The following MTPN variants were observed in gnomAD, a reference collection of about 807,000 sequenced individuals.
MTPN encodes the protein granule cell differentiation protein.
A neutral mutation model predicts 13.5 loss-of-function variants in MTPN; 2 were observed. The observed-to-expected ratio is 0.15, with a 90% CI of 0.06 to 0.47. The LOEUF is 0.47. Among genes scored for constraint, MTPN ranks in the 20% least tolerant of loss-of-function variants. The pLI, the probability that MTPN is intolerant of heterozygous loss-of-function variation, is 0.97. For missense variants in MTPN, 79 were observed against 137.9 expected (o/e 0.57, Z 2.14); for synonymous variants, 46 against 51.7 (o/e 0.89, Z 0.48).
At chr7:135,974,495 C>T (rs1283778039) in intron 1 of MTPN, among the ~76,000 whole-genome samples, 2 of 152,074 alleles carry the variant, frequency 1.3e-5, no homozygotes, top group South Asian at 2.1e-4. Flanking sequence ...GGCGACAAAG[C>T]AAAGACCCTG....
intron 3 of MTPN, among the ~76,000 whole-genome samples, chr7:135,933,441 A>C (rs1305867685): frequency 6.6e-6 from 1 of 152,130 alleles, no homozygotes; most frequent in African/African-American, 2.4e-5. Flanking sequence ...ATTTTATAAG[A>C]TACTTTCTCA....
chr7:135,958,892 ATTATCT>A (rs1206058014), intron 1 of MTPN, among the ~76,000 whole-genome samples: 1 of 152,158 alleles, frequency 6.6e-6, no homozygotes, highest in Admixed American at 6.6e-5. Context: ...AGTATTTCAG[ATTATCT>A]TTATAACAGT....
At chr7:135,975,849 G>A (rs1799765667) in intron 1 of MTPN, among the ~76,000 whole-genome samples, 1 of 152,178 alleles carries the variant, frequency 6.6e-6, no homozygotes, top group South Asian at 2.1e-4. Flanking sequence ...AGTCTAAATT[G>A]TAATGGCATT....
intron 3 of MTPN, among the ~76,000 whole-genome samples, chr7:135,949,003 T>C (rs1471795259): frequency 6.6e-6 from 1 of 152,050 alleles, no homozygotes; most frequent in Non-Finnish European, 1.5e-5. Context: ...GCTGAAGCCA[T>C]GGAAATAAAG....
chr7:135,975,617 T>A (rs1488382294), intron 1 of MTPN, among the ~76,000 whole-genome samples: 1 of 152,240 alleles, frequency 6.6e-6, no homozygotes, highest in Non-Finnish European at 1.5e-5. Flanking sequence ...TCAAACAACC[T>A]AGGTTCCACC....
chr7:135,975,830 C>G (rs1799765142), intron 1 of MTPN, among the ~76,000 whole-genome samples: 1 of 152,202 alleles, frequency 6.6e-6, no homozygotes, highest in South Asian at 2.1e-4. Flanking sequence ...AGGTAAGCAG[C>G]ATCCAAAAAG....
chr7:135,943,303 C>T (rs1799241902), intron 3 of MTPN, among the ~76,000 whole-genome samples: 1 of 152,148 alleles, frequency 6.6e-6, no homozygotes, highest in Non-Finnish European at 1.5e-5. Context: ...TTTGCTTATG[C>T]TAAAAAGGGC....
At chr7:135,969,493 T>C (rs1278165785) in intron 1 of MTPN, among the ~76,000 whole-genome samples, 1 of 149,278 alleles carries the variant, frequency 6.7e-6, no homozygotes, top group Non-Finnish European at 1.5e-5. Context: ...AAAGAGGAAC[T>C]ATAATAATAA....
chr7:135,927,600 GT>G lies in MTPN; in HGVS notation c.*2325del. The G allele has an allele frequency of 1.5e-6, 1 of 682,698 alleles. No homozygotes were observed. The allele number at this position is 682,698 out of a possible 1,614,324, so 42.3% of individuals were successfully genotyped here. A position where few individuals can be genotyped will look rare whatever the true frequency, so the allele number is the denominator to read the frequency against. The stretch of plus-strand genomic sequence containing the variant: ...TTTACTCAAAATATGAACATTAAGT[GT>G]TGTGAATTTGTCTGCCAAGTGGTTC... On this transcript the variant is annotated 3_prime_UTR_variant, in exon 4 of 4. Coordinates refer to ENST00000393085, the MANE Select transcript of MTPN (RefSeq NM_145808.4).
intron 3 of MTPN, among the ~76,000 whole-genome samples, chr7:135,939,393 T>C (rs1318749046): frequency 6.6e-6 from 1 of 151,958 alleles, no homozygotes; most frequent in Non-Finnish European, 1.5e-5. Flanking sequence ...CCCGTTCTTC[T>C]TTGCTTTCCT....
rs897533405 is a variant in MTPN, at chr7:135,927,712, T to C, written c.*2214A>G. ...ATTCTATTCTATGTTTATATGTTAT[T>C]TTCTCAAGCAATCGCTTCATAATTA... On this transcript the variant is annotated 3_prime_UTR_variant, in exon 4 of 4. Coordinates refer to ENST00000393085, the MANE Select transcript of MTPN (RefSeq NM_145808.4). The C allele has an allele frequency of 7.7e-6, 4 of 518,752 alleles. No individual in the cohort carries two copies. The highest frequency in any genetic ancestry group is 7.7e-5 in the African/African-American group (4 of 51,928). 32.1% of individuals were successfully genotyped at this position (518,752 alleles called of 1,614,324 possible).
At chr7:135,971,745 TA>T (rs1449388720) in intron 1 of MTPN, among the ~76,000 whole-genome samples, 1 of 152,196 alleles carries the variant, frequency 6.6e-6, no homozygotes, top group African/African-American at 2.4e-5. Context: ...TTAATAAACA[TA>T]CTTTTTTCAA....
chr7:135,947,773 T>C (rs999251), intron 3 of MTPN, among the ~76,000 whole-genome samples: 12,055 of 152,076 alleles, frequency 0.079, 538 homozygotes, highest in South Asian at 0.15. Context: ...CCGAGATAAA[T>C]GGTTTCCTTA....
At chr7:135,972,801 A>G (rs1346718933) in intron 1 of MTPN, among the ~76,000 whole-genome samples, 1 of 151,502 alleles carries the variant, frequency 6.6e-6, no homozygotes, top group East Asian at 2.0e-4. Flanking sequence ...GCTTATTTTA[A>G]AAGGGCCAAC....
At chr7:135,973,929 A>G (rs1436544500) in intron 1 of MTPN, among the ~76,000 whole-genome samples, 1 of 152,230 alleles carries the variant, frequency 6.6e-6, no homozygotes, top group East Asian at 1.9e-4. Flanking sequence ...GTGGTCCTTA[A>G]GTCAGTCAAG....
intron 1 of MTPN, among the ~76,000 whole-genome samples, chr7:135,959,703 G>A (rs1237093726): frequency 3.3e-5 from 5 of 151,970 alleles, no homozygotes; most frequent in Admixed American, 3.3e-4. Context: ...TATCCCTAGA[G>A]TTTAATATAT....
At position 135,939,057 on chromosome 7, in the gene MTPN, T is replaced by G. The variant is rs539356497; in HGVS notation, c.271-9045A>C. Among the ~76,000 whole-genome samples, 317 of 152,008 alleles carry G rather than the reference T, an allele frequency of 2.1e-3. 2 individuals are homozygous for G. Among genetic ancestry groups the G allele is most frequent in the African/African-American group, 7.3e-3 (301 of 41,482 alleles). ...ATACCTGTTTACTCTGCCTTCCCTC[T>G]AGAAAATGAGGTGTTACTCTGCCTT... On this transcript the variant is annotated intron_variant, in intron 3 of 3. Coordinates refer to ENST00000393085, the MANE Select transcript of MTPN (RefSeq NM_145808.4).
intron 1 of MTPN, among the ~76,000 whole-genome samples, chr7:135,968,601 A>C (rs569395250): frequency 6.6e-6 from 1 of 152,220 alleles, no homozygotes; most frequent in South Asian, 2.1e-4. Flanking sequence ...ATCTAAACAC[A>C]CTTCCTCTGT....
At chr7:135,973,199 G>C (rs1411832429) in intron 1 of MTPN, among the ~76,000 whole-genome samples, 1 of 148,924 alleles carries the variant, frequency 6.7e-6, no homozygotes, top group Non-Finnish European at 1.5e-5. Context: ...AAACTGACCA[G>C]GAAGGGGTCA....
Sources: allele counts gnomAD v4.1 joint callset (sites outside exome capture counted in the v4.1 genomes callset), GRCh38; gene constraint gnomAD v4.1.1; transcripts MANE v1.5; gene names NCBI Gene and HGNC (gene_info 2026-07-23, HGNC 2026-07-21).